The following AKAP19 variants were observed in gnomAD, a reference collection of about 807,000 sequenced individuals.
AKAP19 encodes A-kinase anchoring protein 19, also known as small A-kinase anchoring protein.
chr2:190,025,104 C>T, the AKAP19 span, among the ~76,000 whole-genome samples: 1 of 152,150 alleles, frequency 6.6e-6, no homozygotes, highest in African/African-American at 2.4e-5. Context: ...GTTTTATCTC[C>T]CACATGTCCA....
At chr2:190,076,554 A>G in the AKAP19 span, among the ~76,000 whole-genome samples, 1 of 152,188 alleles carries the variant, frequency 6.6e-6, no homozygotes, top group African/African-American at 2.4e-5. Flanking sequence ...ATTTCACTGG[A>G]TATGGAATTC....
the AKAP19 span, among the ~76,000 whole-genome samples, chr2:189,947,409 T>G: frequency 6.6e-6 from 1 of 152,286 alleles, no homozygotes; most frequent in South Asian, 2.1e-4. Flanking sequence ...AAGTATACAA[T>G]TTTAAACTAT....
chr2:189,946,759 A>G, the AKAP19 span, among the ~76,000 whole-genome samples: 1 of 152,176 alleles, frequency 6.6e-6, no homozygotes, highest in African/African-American at 2.4e-5. Context: ...ATGTTTTTAT[A>G]CTTTTTCAAA....
At chr2:189,881,504 C>T in the AKAP19 span, among the ~76,000 whole-genome samples, 1 of 152,102 alleles carries the variant, frequency 6.6e-6, no homozygotes, top group Non-Finnish European at 1.5e-5. Flanking sequence ...AACAAAAGAA[C>T]AATCCTGGAA....
chr2:190,064,084 A>G, the AKAP19 span, among the ~76,000 whole-genome samples: 1 of 152,232 alleles, frequency 6.6e-6, no homozygotes, highest in African/African-American at 2.4e-5. Flanking sequence ...CACACTGTAC[A>G]CTAATTTACT....
the AKAP19 span, among the ~76,000 whole-genome samples, chr2:190,113,595 T>C: frequency 6.6e-6 from 1 of 152,208 alleles, no homozygotes; most frequent in Non-Finnish European, 1.5e-5. Flanking sequence ...GACATATGGA[T>C]AAACCAAGAA....
At chr2:189,956,599 G>A in the AKAP19 span, among the ~76,000 whole-genome samples, 112 of 151,744 alleles carry the variant, frequency 7.4e-4, no homozygotes, top group Non-Finnish European at 1.3e-3. Flanking sequence ...TTTTTTTTGA[G>A]ATAGGGTCTC....
chr2:189,998,262 C>G, the AKAP19 span, among the ~76,000 whole-genome samples: 2 of 152,218 alleles, frequency 1.3e-5, no homozygotes, highest in Non-Finnish European at 2.9e-5. Context: ...GTGTCAGTCT[C>G]CACATGCTGT....
the AKAP19 span, among the ~76,000 whole-genome samples, chr2:190,027,642 G>A: frequency 6.6e-6 from 1 of 152,176 alleles, no homozygotes; most frequent in Admixed American, 6.6e-5. Flanking sequence ...AGTGCAATAA[G>A]TATTAATAGG....
At chr2:190,167,952 C>T in the AKAP19 span, among the ~76,000 whole-genome samples, 179 of 152,276 alleles carry the variant, frequency 1.2e-3, no homozygotes, top group African/African-American at 4.1e-3. Context: ...CCTCTTCTCA[C>T]GGCTCCACCA....
the AKAP19 span, among the ~76,000 whole-genome samples, chr2:190,175,006 G>GGAGTACATAGAGTACATA: frequency 6.6e-6 from 1 of 151,914 alleles, no homozygotes; most frequent in Non-Finnish European, 1.5e-5. Context: ...TAGATTACAT[G>GGAGTACATAGAGTACATA]GAGTACATAG....
chr2:190,133,169 C>T, the AKAP19 span, among the ~76,000 whole-genome samples: 2 of 129,070 alleles, frequency 1.5e-5, no homozygotes, highest in South Asian at 2.7e-4. Flanking sequence ...ACCCAGGAGG[C>T]GGAGCTTGCA....
chr2:189,938,887 T>C, the AKAP19 span, among the ~76,000 whole-genome samples: 1 of 152,176 alleles, frequency 6.6e-6, no homozygotes, highest in African/African-American at 2.4e-5. Context: ...TAGATAGTAA[T>C]AGAATTGGAC....
the AKAP19 span, among the ~76,000 whole-genome samples, chr2:189,994,576 A>C: frequency 2.0e-5 from 3 of 151,784 alleles, no homozygotes; most frequent in African/African-American, 7.3e-5. Flanking sequence ...ATTCTGGAGC[A>C]GATTATTATT....
chr2:189,960,197 C>T, the AKAP19 span, among the ~76,000 whole-genome samples: 1 of 152,118 alleles, frequency 6.6e-6, no homozygotes, highest in African/African-American at 2.4e-5. Context: ...TCAAGAGACC[C>T]AGATGCCTAA....
chr2:189,961,911 CAAA>C, the AKAP19 span, among the ~76,000 whole-genome samples: 1 of 104,250 alleles, frequency 9.6e-6, no homozygotes, highest in Non-Finnish European at 2.0e-5. Flanking sequence ...GACTCTGTCT[CAAA>C]AAAAAAAAAA....
chr2:190,131,003 G>T, the AKAP19 span, among the ~76,000 whole-genome samples: 1 of 152,190 alleles, frequency 6.6e-6, no homozygotes, highest in African/African-American at 2.4e-5. Flanking sequence ...AGTGAAGGCT[G>T]TGAAATTATA....
the AKAP19 span, among the ~76,000 whole-genome samples, chr2:190,106,168 A>ACAT: frequency 6.6e-6 from 1 of 152,352 alleles, no homozygotes; most frequent in South Asian, 2.1e-4. Flanking sequence ...AAGTATAGAT[A>ACAT]CATCAACATA....
the AKAP19 span, among the ~76,000 whole-genome samples, chr2:190,022,441 T>G: frequency 3.3e-5 from 5 of 152,210 alleles, no homozygotes. Flanking sequence ...ATTTGTATCT[T>G]ATTAACCAGT....
Sources: allele counts gnomAD v4.1 joint callset (sites outside exome capture counted in the v4.1 genomes callset), GRCh38; gene constraint gnomAD v4.1.1; transcripts MANE v1.5; gene names NCBI Gene and HGNC (gene_info 2026-07-23, HGNC 2026-07-21).